Variants in SLC6A16 observed in about 807,000 individuals in gnomAD.
SLC6A16 encodes the protein orphan sodium- and chloride-dependent neurotransmitter transporter NTT5.
In SLC6A16, 54 loss-of-function variants were observed where a neutral mutation model predicts 65.4. The observed-to-expected ratio is 0.83, with a 90% CI of 0.66 to 1.04. The LOEUF is 1.04. Among genes scored for constraint, SLC6A16 ranks in the 50% least tolerant of loss-of-function variants. The pLI is 0.00. For missense variants in SLC6A16, 816 were observed against 914.0 expected, an observed-to-expected ratio of 0.89 and a Z score of 1.38; for synonymous variants, 330 against 346.5, an observed-to-expected ratio of 0.95 and a Z score of 0.53.
intron 7 of SLC6A16, among the ~76,000 whole-genome samples, chr19:49,295,436 G>A (rs1163675186): frequency 6.6e-6 from 1 of 151,894 alleles, no homozygotes; most frequent in South Asian, 2.1e-4. Context: ...AGCTTGCCAA[G>A]GTTCACTGAT....
At chr19:49,315,638 T>C (rs1276481502) in intron 1 of SLC6A16, among the ~76,000 whole-genome samples, 1 of 152,028 alleles carries the variant, frequency 6.6e-6, no homozygotes, top group Non-Finnish European at 1.5e-5. Context: ...AGCATACCAC[T>C]AGAGAAAATC....
chr19:49,339,378 A>G, the SLC6A16 span: 12 of 1,613,886 alleles, frequency 7.4e-6, no homozygotes, highest in African/African-American at 1.3e-5. This position sits in a 1 kb window ranked among gnomAD's most constrained non-coding sequence, Gnocchi z 4.5. Flanking sequence ...CCTTATTTCC[A>G]TAGTGGGCAT....
In SLC6A16 at chr19:49,310,510, C is replaced by A; in HGVS notation, c.416G>T (p.Cys139Phe). The A allele has an allele frequency of 6.2e-7, 1 of 1,614,026 alleles. No homozygotes were observed. Among genetic ancestry groups the A allele is most frequent in the Non-Finnish European group, 8.5e-7 (1 of 1,180,014 alleles). Residue 139 changes from cysteine to phenylalanine, a missense_variant and splice_region_variant, in exon 3 of 12, where the codon TGC becomes TTC. Coordinates refer to ENST00000335875, the MANE Select transcript of SLC6A16 (RefSeq NM_014037.3). ...FAYLWLNSGG[C>F]SFAAIYIFML... Reference sequence around the variant, plus strand: ...GAAGATGTAGATGGCAGCGAAACTGCCTGTGAAGAAGATTCAGAAGGGACT... The same window carrying A: ...GAAGATGTAGATGGCAGCGAAACTGACTGTGAAGAAGATTCAGAAGGGACT...
chr19:49,307,726 AAAAAAAAGAAAAAG>A (rs1970422086), intron 7 of SLC6A16, among the ~76,000 whole-genome samples: 1 of 145,554 alleles, frequency 6.9e-6, no homozygotes, highest in African/African-American at 2.6e-5. Context: ...GGAGGAAGCA[AAAAAAAAGAAAAAG>A]AAAAAAAAGA....
At chr19:49,337,867 G>A in the SLC6A16 span, 1 of 1,602,230 alleles carries the variant, frequency 6.2e-7, no homozygotes, top group Admixed American at 1.7e-5. Context: ...GGCACAGCCT[G>A]AGAGGGGGAG....
At chr19:49,330,719 A>C in the SLC6A16 span, among the ~76,000 whole-genome samples, 1 of 152,202 alleles carries the variant, frequency 6.6e-6, no homozygotes, top group Non-Finnish European at 1.5e-5. Context: ...AGGTGGGCAG[A>C]TCACCTGAGG....
chr19:49,337,845 C>T, the SLC6A16 span: 3 of 1,600,526 alleles, frequency 1.9e-6, no homozygotes, highest in Non-Finnish European at 2.6e-6. Flanking sequence ...TGCACAGGGC[C>T]CGCCTGAGGC....
At chr19:49,339,633 C>A in the SLC6A16 span, 1 of 1,430,170 alleles carries the variant, frequency 7.0e-7, no homozygotes, top group Non-Finnish European at 9.1e-7. The surrounding 1 kb of genome is among the most constrained non-coding windows in gnomAD (Gnocchi z 4.5). Flanking sequence ...CTATTGGCTG[C>A]GATCTCCCTC....
At chr19:49,302,257 G>A (rs552547088) in intron 7 of SLC6A16, among the ~76,000 whole-genome samples, 1 of 152,288 alleles carries the variant, frequency 6.6e-6, no homozygotes, top group South Asian at 2.1e-4. Context: ...AGCCTCCACT[G>A]CTGCGAGTCC....
intron 9 of SLC6A16, among the ~76,000 whole-genome samples, 175 bp from the exon 10 acceptor site, chr19:49,293,557 G>A (rs973089457): frequency 2.6e-5 from 4 of 152,142 alleles, no homozygotes; most frequent in African/African-American, 4.8e-5. Flanking sequence ...TTAAGCCCAG[G>A]AGTCTGAGAC....
upstream of SLC6A16, among the ~76,000 whole-genome samples, chr19:49,326,342 T>C (rs529316846): frequency 3.9e-5 from 6 of 152,148 alleles, no homozygotes; most frequent in Non-Finnish European, 8.8e-5. Context: ...CAAACATCAC[T>C]ATATTCAAAG....
At chr19:49,325,574 T>C (rs531939733), upstream of SLC6A16, among the ~76,000 whole-genome samples, 18 of 152,304 alleles carry the variant, frequency 1.2e-4, no homozygotes, top group African/African-American at 4.3e-4. Flanking sequence ...ACCTTAAATA[T>C]GCGTCCAACA....
rs775666210 is a variant in SLC6A16 at position 49,309,418 on chromosome 19, C to T, written c.877-7G>A. On this transcript the variant is annotated splice_polypyrimidine_tract_variant and splice_region_variant and intron_variant, in intron 5 of 11. Transcript: ENST00000335875. Reference sequence around the variant, plus strand: ...GTACCAAGACATAGATTACCTGAATCGAGAGTGGGACATATCAGCAACCGT... The same window carrying T: ...GTACCAAGACATAGATTACCTGAATTGAGAGTGGGACATATCAGCAACCGT... 4 of 1,601,170 alleles carry T rather than the reference C, an allele frequency of 2.5e-6. No homozygotes were observed. The highest frequency in any genetic ancestry group is 3.4e-6 in the Non-Finnish European group (4 of 1,168,762).
chr19:49,324,316 G>A (rs1970763916), intron 1 of SLC6A16, among the ~76,000 whole-genome samples: 1 of 152,202 alleles, frequency 6.6e-6, no homozygotes, highest in African/African-American at 2.4e-5. Context: ...GGGTGACAGA[G>A]TGGGACTCCA....
chr19:49,339,056 C>T, the SLC6A16 span: 1 of 857,128 alleles, frequency 1.2e-6, no homozygotes, highest in South Asian at 1.5e-5. This position sits in a 1 kb window ranked among gnomAD's most constrained non-coding sequence, Gnocchi z 4.5. Flanking sequence ...AAAGGTACGG[C>T]AGGAGGGGCG....
At chr19:49,334,907 TAAAG>T in the SLC6A16 span, among the ~76,000 whole-genome samples, 4 of 150,678 alleles carry the variant, frequency 2.7e-5, no homozygotes, top group African/African-American at 7.3e-5. Context: ...ATAAATAAAA[TAAAG>T]AAACACAGAG....
In SLC6A16 at chr19:49,289,890, G is replaced by A. The variant is rs1010789780; in HGVS notation, c.*233C>T. On this transcript the variant is annotated 3_prime_UTR_variant, in exon 12 of 12. Coordinates refer to ENST00000335875, the MANE Select transcript of SLC6A16 (RefSeq NM_014037.3). ...CTAGTATTGTATATGTGTTGTGCAT[G>A]TATGTGTGTTGAGGAAGAGGATGGG... 18 of 570,398 alleles carry A rather than the reference G, an allele frequency of 3.2e-5. No individual in the cohort carries two copies. The highest frequency in any genetic ancestry group is 2.8e-4 in the Admixed American group (9 of 32,574). The allele number at this position is 570,398 out of a possible 1,614,324, so 35.3% of individuals were successfully genotyped here.
In SLC6A16 at chr19:49,311,395, C is replaced by T. The variant is rs201103168; in HGVS notation, c.-48G>A. The T allele has an allele frequency of 2.0e-6, 3 of 1,521,788 alleles. No individual in the cohort carries two copies. Among genetic ancestry groups the T allele is most frequent in the Non-Finnish European group, 2.6e-6 (3 of 1,136,408 alleles). 94.3% of individuals were successfully genotyped at this position (1,521,788 alleles called of 1,614,324 possible). On this transcript the variant is annotated 5_prime_UTR_variant, in exon 2 of 12. The change abolishes an upstream ATG in the 5' untranslated region. Transcript: ENST00000335875. Reference sequence around the variant, plus strand: ...GCTCCCGCTTCTGCAAGGGAGGGTTCATCTTCCTGAGGAGACCTGAAGGAC... The same window carrying T: ...GCTCCCGCTTCTGCAAGGGAGGGTTTATCTTCCTGAGGAGACCTGAAGGAC...
chr19:49,311,019 G>A lies in SLC6A16; in HGVS notation c.329C>T (p.Thr110Ile). Reference protein sequence around the residue: ...LLARPFWSSKTEYILAQVGFS... With the variant: ...LLARPFWSSKIEYILAQVGFS... The stretch of plus-strand genomic sequence containing the variant: ...GCCCACCTGAGCCAGAATATACTCA[G>A]TTTTGCTGGACCAGAACGGACGGGC... The change falls in exon 2 of 12, where the codon ACT (threonine) becomes ATT (isoleucine). Residue 110 changes from threonine (T) to isoleucine (I), a missense_variant. By Grantham distance (89) the Thr-to-Ile change is moderately conservative. Transcript: ENST00000335875. The A allele has an allele frequency of 6.2e-7, 1 of 1,614,204 alleles. No individual in the cohort carries two copies. Among genetic ancestry groups the A allele is most frequent in the Non-Finnish European group, 8.5e-7 (1 of 1,180,050 alleles).
Sources: allele counts gnomAD v4.1 joint callset (sites outside exome capture counted in the v4.1 genomes callset), GRCh38; gene constraint gnomAD v4.1.1; non-coding constraint Gnocchi (gnomAD v3.1); transcripts MANE v1.5; gene names NCBI Gene and HGNC (gene_info 2026-07-23, HGNC 2026-07-21).